TANGO6: variants seen among roughly 807,000 people sequenced by gnomAD.
TANGO6 encodes the protein transport and Golgi organization protein 6 homolog.
TANGO6 carries 90 observed loss-of-function variants against 114.2 expected under a neutral mutation model. The observed-to-expected ratio is 0.79, with a 90% CI of 0.66 to 0.94. The LOEUF (loss-of-function observed/expected upper bound fraction) is 0.94, where lower values mean the gene tolerates loss of function less well. Among genes scored for constraint, TANGO6 ranks in the 40% least tolerant of loss-of-function variants. TANGO6 has a pLI of 0.00. For synonymous variants in TANGO6, 477 were observed against 509.8 expected (o/e 0.94, Z 0.87); for missense variants, 1,274 against 1,315.3 (o/e 0.97, Z 0.49).
At chr16:68,912,503 C>T (rs1039991326) in intron 11 of TANGO6, among the ~76,000 whole-genome samples, 2 of 152,026 alleles carry the variant, frequency 1.3e-5, no homozygotes, top group African/African-American at 4.8e-5. Context: ...GGCATTGTGG[C>T]ACGTGCCTAT....
intron 15 of TANGO6, among the ~76,000 whole-genome samples, chr16:69,011,276 G>T (rs1034385524): frequency 1.3e-5 from 2 of 152,130 alleles, no homozygotes; most frequent in East Asian, 3.8e-4. Flanking sequence ...AGAAAGAAGA[G>T]AGCCCCCCTA....
intron 11 of TANGO6, among the ~76,000 whole-genome samples, chr16:68,917,841 C>G (rs1963028057): frequency 6.6e-6 from 1 of 151,974 alleles, no homozygotes; most frequent in Non-Finnish European, 1.5e-5. Context: ...CAGCCTTGAC[C>G]TCCTGGGCTC....
In TANGO6 at chr16:68,882,889, G is replaced by A. The variant is rs139443594; in HGVS notation, c.1377+2259G>A. ...AAAAATTAGCCGGACGTTGTGGTAC[G>A]CGCCTGTAGTCCGAGCTACTCAGGA... On this transcript the variant is annotated intron_variant, in intron 7 of 17. Coordinates refer to ENST00000261778, the MANE Select transcript of TANGO6 (RefSeq NM_024562.2). Among the ~76,000 whole-genome samples the A allele has an allele frequency of 5.0e-4, 76 of 152,188 alleles. 1 individual carries two copies. The highest frequency in any genetic ancestry group is 1.7e-3 in the African/African-American group (69 of 41,536).
intron 15 of TANGO6, chr16:69,007,269 C>CTTTTTTTTTTTTTTTTTTTTTT (rs546825543): frequency 8.9e-6 from 1 of 112,764 alleles, no homozygotes; most frequent in African/African-American, 3.4e-5. Context: ...TTTTTCTTTT[C>CTTTTTTTTTTTTTTTTTTTTTT]TTTTTTTTTT....
At chr16:68,915,723 T>C (rs1962994603) in intron 11 of TANGO6, among the ~76,000 whole-genome samples, 1 of 152,232 alleles carries the variant, frequency 6.6e-6, no homozygotes, top group Non-Finnish European at 1.5e-5. Context: ...TTAAACAGCA[T>C]TGTTCATTTC....
At chr16:68,953,326 A>C (rs1297020018) in intron 14 of TANGO6, among the ~76,000 whole-genome samples, 1 of 151,552 alleles carries the variant, frequency 6.6e-6, no homozygotes, top group Non-Finnish European at 1.5e-5. Flanking sequence ...CAGGTGATAC[A>C]CCTGCCTCGG....
chr16:68,861,120 T>C (rs1962085974), intron 2 of TANGO6, among the ~76,000 whole-genome samples: 1 of 152,158 alleles, frequency 6.6e-6, no homozygotes, highest in Non-Finnish European at 1.5e-5. Flanking sequence ...ACATAAGACA[T>C]GGTCCTTTTC....
At chr16:68,961,633 G>A (rs942433458) in intron 14 of TANGO6, among the ~76,000 whole-genome samples, 3 of 152,090 alleles carry the variant, frequency 2.0e-5, no homozygotes, top group African/African-American at 2.4e-5. Flanking sequence ...GATTATTCAC[G>A]TGTTTTTACT....
intron 17 of TANGO6, among the ~76,000 whole-genome samples, chr16:69,060,416 C>T (rs1255825785): frequency 1.3e-5 from 2 of 151,924 alleles, no homozygotes; most frequent in African/African-American, 2.4e-5. Context: ...GGCAACATAG[C>T]GAGGCCTCAT....
chr16:69,051,654 G>A (rs1481911975), intron 17 of TANGO6, among the ~76,000 whole-genome samples: 1 of 152,078 alleles, frequency 6.6e-6, no homozygotes, highest in African/African-American at 2.4e-5. Context: ...TCGCACTCCA[G>A]CCTAGTGGAC....
chr16:68,846,558 C>G (rs367908581), intron 1 of TANGO6: 3 of 275,652 alleles, frequency 1.1e-5, no homozygotes, highest in Non-Finnish European at 7.1e-6. Flanking sequence ...TGCAGTGGTG[C>G]GATCTCGGCT....
At chr16:68,865,530 C>CCAA (rs1223813510) in intron 3 of TANGO6, among the ~76,000 whole-genome samples, 2 of 152,172 alleles carry the variant, frequency 1.3e-5, no homozygotes, top group Non-Finnish European at 2.9e-5. Context: ...ATAAGGGACA[C>CCAA]CAAGTCTATT....
At chr16:68,890,859 A>G (rs1016714251) in intron 7 of TANGO6, among the ~76,000 whole-genome samples, 11 of 152,092 alleles carry the variant, frequency 7.2e-5, no homozygotes, top group African/African-American at 1.9e-4. Flanking sequence ...CATCTCTACT[A>G]CCAAAAAAAT....
At chr16:68,951,903 C>T (rs191116979) in intron 14 of TANGO6, among the ~76,000 whole-genome samples, 95 of 152,294 alleles carry the variant, frequency 6.2e-4, no homozygotes, top group Non-Finnish European at 1.2e-3. Context: ...TGAGCCACCA[C>T]ACCTGGCCAG....
intron 15 of TANGO6, among the ~76,000 whole-genome samples, chr16:69,000,830 G>C (rs1045005858): frequency 6.6e-6 from 1 of 152,058 alleles, no homozygotes; most frequent in Non-Finnish European, 1.5e-5. Context: ...GACCTCAAGT[G>C]ATCTGCCCAC....
intron 3 of TANGO6, among the ~76,000 whole-genome samples, chr16:68,864,237 G>A (rs1457160536): frequency 2.6e-5 from 4 of 151,804 alleles, no homozygotes; most frequent in Non-Finnish European, 5.9e-5. Context: ...TTGTCTGTTT[G>A]CTTTTAGTAC....
At chr16:69,060,842 A>G (rs1960103683) in intron 17 of TANGO6, among the ~76,000 whole-genome samples, 1 of 151,316 alleles carries the variant, frequency 6.6e-6, no homozygotes, top group South Asian at 2.1e-4. Flanking sequence ...AAATACAAAA[A>G]TTAGCTGGGC....
chr16:68,998,065 C>G (rs556512457), intron 15 of TANGO6, among the ~76,000 whole-genome samples: 2 of 152,170 alleles, frequency 1.3e-5, no homozygotes, highest in Non-Finnish European at 2.9e-5. Flanking sequence ...GCTTATCCTG[C>G]ATTCCTACAC....
intron 17 of TANGO6, among the ~76,000 whole-genome samples, chr16:69,075,128 C>T (rs1237287223): frequency 6.6e-6 from 1 of 151,710 alleles, no homozygotes; most frequent in Admixed American, 6.6e-5. Flanking sequence ...CAGGTATAAG[C>T]CACTGTGCCT....
Sources: gnomAD v4.1 joint callset for allele counts (sites outside exome capture counted in the v4.1 genomes callset) on GRCh38, gnomAD v4.1.1 for gene constraint, MANE v1.5 for transcripts, NCBI Gene and HGNC (gene_info 2026-07-23, HGNC 2026-07-21) for gene names.